FRMD4A: variants seen among roughly 807,000 people sequenced by gnomAD.
FRMD4A encodes the protein FERM domain-containing protein 4A.
Under a neutral mutation model 129.1 loss-of-function variants are expected in FRMD4A, and 29 were observed. That is an observed-to-expected ratio of 0.22 (90% CI 0.17 to 0.31). The LOEUF is 0.31. Among genes scored for constraint, FRMD4A ranks in the 10% least tolerant of loss-of-function variants. The probability of loss-of-function intolerance (pLI) is 1.00; values close to 1 mark genes in which losing one functional copy is unlikely to be tolerated. For missense variants in FRMD4A, 1,272 were observed against 1,375.8 expected, an observed-to-expected ratio of 0.92 and a Z score of 1.19; for synonymous variants, 634 against 571.6, an observed-to-expected ratio of 1.11 and a Z score of -1.56.
intron 2 of FRMD4A, among the ~76,000 whole-genome samples, chr10:14,063,905 T>TTTCAC (rs1834933540): frequency 6.6e-6 from 1 of 152,142 alleles, no homozygotes; most frequent in Non-Finnish European, 1.5e-5. Flanking sequence ...TCACTAAAAA[T>TTTCAC]TAAGAATCTG....
chr10:14,074,071 C>G (rs555307111), intron 2 of FRMD4A, among the ~76,000 whole-genome samples: 1 of 152,048 alleles, frequency 6.6e-6, no homozygotes, highest in Admixed American at 6.6e-5. Flanking sequence ...AGATCGTGCC[C>G]CTGCACTCCA....
chr10:14,039,774 A>G (rs946114553), intron 2 of FRMD4A, among the ~76,000 whole-genome samples: 1 of 151,856 alleles, frequency 6.6e-6, no homozygotes, highest in Admixed American at 6.6e-5. Context: ...ACCAATGTGC[A>G]TCTTACATAT....
chr10:13,792,589 T>A (rs1052501707), intron 5 of FRMD4A, among the ~76,000 whole-genome samples: 1 of 152,220 alleles, frequency 6.6e-6, no homozygotes, highest in Non-Finnish European at 1.5e-5. Context: ...TTCTTTTTAA[T>A]TCGGAATAAT....
At chr10:14,160,124 A>G (rs1054590510) in intron 2 of FRMD4A, among the ~76,000 whole-genome samples, 18 of 152,204 alleles carry the variant, frequency 1.2e-4, no homozygotes, top group African/African-American at 4.1e-4. Context: ...ACATATATCA[A>G]TGGAATGGAA....
At chr10:14,142,583 T>A (rs764805739) in intron 2 of FRMD4A, among the ~76,000 whole-genome samples, 5 of 152,216 alleles carry the variant, frequency 3.3e-5, no homozygotes, top group Non-Finnish European at 7.3e-5. Flanking sequence ...AACGTTTGAA[T>A]CACTATTACC....
chr10:14,090,575 G>A (rs1052039326), intron 2 of FRMD4A, among the ~76,000 whole-genome samples: 2 of 152,306 alleles, frequency 1.3e-5, no homozygotes, highest in South Asian at 2.1e-4. Flanking sequence ...CCCCCCAGCC[G>A]CTCCATGCTA....
At chr10:13,693,626 A>C in intron 15 of FRMD4A, 1 of 651,422 alleles carries the variant, frequency 1.5e-6, no homozygotes, top group Non-Finnish European at 2.4e-6. Flanking sequence ...TCTGGGGGGT[A>C]CCTGAAGACA....
chr10:13,688,336 T>C (rs991368457), intron 15 of FRMD4A, among the ~76,000 whole-genome samples: 1 of 151,958 alleles, frequency 6.6e-6, no homozygotes, highest in Admixed American at 6.6e-5. Context: ...TAGGTGGGAA[T>C]TGAAGAATGA....
At chr10:13,818,046 C>T (rs1305620451) in intron 3 of FRMD4A, among the ~76,000 whole-genome samples, 2 of 152,198 alleles carry the variant, frequency 1.3e-5, no homozygotes, top group African/African-American at 2.4e-5. Context: ...ATGTGTCTAT[C>T]CAGATAGATG....
chr10:14,138,490 G>T (rs1839660963), intron 2 of FRMD4A, among the ~76,000 whole-genome samples: 1 of 151,680 alleles, frequency 6.6e-6, no homozygotes, highest in African/African-American at 2.4e-5. Context: ...GCCGGACGCG[G>T]TGGCTCACAC....
At chr10:14,139,936 G>T (rs186062773) in intron 2 of FRMD4A, among the ~76,000 whole-genome samples, 3 of 152,154 alleles carry the variant, frequency 2.0e-5, no homozygotes, top group African/African-American at 7.2e-5. Context: ...TAGAAGATGG[G>T]CTTTCACAAA....
intron 14 of FRMD4A, 138 bp downstream of exon 14, chr10:13,701,202 C>T (rs1274649663): frequency 6.8e-6 from 5 of 732,522 alleles, no homozygotes; most frequent in Non-Finnish European, 1.2e-5. Flanking sequence ...ATCTGTAGCC[C>T]TAAGAGGCAA....
At chr10:14,060,154 C>A (rs1253626633) in intron 2 of FRMD4A, among the ~76,000 whole-genome samples, 14 of 152,160 alleles carry the variant, frequency 9.2e-5, no homozygotes. Context: ...ATTTAATTAT[C>A]ACATACAATA....
intron 2 of FRMD4A, among the ~76,000 whole-genome samples, chr10:14,180,120 A>G (rs115385256): frequency 7.5e-4 from 114 of 152,342 alleles, no homozygotes; most frequent in African/African-American, 2.7e-3. Flanking sequence ...TGTGGCAGGT[A>G]TTCATTTTCA....
intron 2 of FRMD4A, among the ~76,000 whole-genome samples, chr10:13,892,944 G>A (rs559519453): frequency 1.3e-5 from 2 of 152,224 alleles, no homozygotes; most frequent in East Asian, 1.9e-4. Flanking sequence ...CAGTTCAAAA[G>A]GCCTCACCAT....
At chr10:14,242,125 G>A (rs1258688864) in intron 2 of FRMD4A, among the ~76,000 whole-genome samples, 2 of 152,164 alleles carry the variant, frequency 1.3e-5, no homozygotes, top group Non-Finnish European at 2.9e-5. Flanking sequence ...TGAGACCTCA[G>A]ACATGTAGGA....
intron 2 of FRMD4A, among the ~76,000 whole-genome samples, chr10:14,272,358 C>T (rs1564431572): frequency 6.6e-6 from 1 of 152,138 alleles, no homozygotes; most frequent in East Asian, 1.9e-4. Flanking sequence ...ACCAGGTAGT[C>T]CAGGGGTGCA....
At chr10:14,004,638 A>G (rs915629277) in intron 2 of FRMD4A, among the ~76,000 whole-genome samples, 4 of 152,214 alleles carry the variant, frequency 2.6e-5, no homozygotes, top group African/African-American at 4.8e-5. Flanking sequence ...TATGGACTAC[A>G]TTTTATATGA....
At chr10:13,814,713 T>C (rs1588874072) in intron 3 of FRMD4A, among the ~76,000 whole-genome samples, 1 of 151,232 alleles carries the variant, frequency 6.6e-6, no homozygotes, top group East Asian at 1.9e-4. Context: ...AGCTAAACTT[T>C]AAAGCCTACA....
Sources: allele counts gnomAD v4.1 joint callset (sites outside exome capture counted in the v4.1 genomes callset), GRCh38; gene constraint gnomAD v4.1.1; transcripts MANE v1.5; gene names NCBI Gene and HGNC (gene_info 2026-07-23, HGNC 2026-07-21).